Variants in CDKAL1 observed in about 807,000 individuals in gnomAD.
CDKAL1 encodes CDKAL1 threonylcarbamoyladenosine tRNA methylthiotransferase.
A neutral mutation model predicts 68.2 loss-of-function variants in CDKAL1; 32 were observed. That is an observed-to-expected ratio of 0.47 (90% CI 0.35 to 0.63). The LOEUF (loss-of-function observed/expected upper bound fraction) is 0.63, where lower values mean the gene tolerates loss of function less well. Ranked by LOEUF, CDKAL1 falls within the 30% of genes least tolerant of loss-of-function variation. The pLI is 0.00. For missense variants in CDKAL1, 606 were observed against 696.7 expected (o/e 0.87, Z 1.47); for synonymous variants, 234 against 244.3 (o/e 0.96, Z 0.39).
intron 10 of CDKAL1, among the ~76,000 whole-genome samples, chr6:20,987,262 CTTT>C (rs1392710913): frequency 1.5e-5 from 2 of 135,854 alleles, no homozygotes; most frequent in Non-Finnish European, 3.2e-5. Flanking sequence ...TGTCTGGAAA[CTTT>C]TTTTTTTTTT....
chr6:20,650,881 T>C (rs545805644), intron 5 of CDKAL1, among the ~76,000 whole-genome samples: 11 of 152,320 alleles, frequency 7.2e-5, no homozygotes, highest in African/African-American at 2.6e-4. Context: ...CGGTCTTATT[T>C]CTGAGTTCTC....
intron 5 of CDKAL1, among the ~76,000 whole-genome samples, chr6:20,651,744 A>G (rs999157546): frequency 6.6e-6 from 1 of 152,272 alleles, no homozygotes. Flanking sequence ...TACTTAGTTT[A>G]TTGAGAGTTT....
At chr6:21,186,275 G>A (rs931426554) in intron 13 of CDKAL1, among the ~76,000 whole-genome samples, 9 of 151,954 alleles carry the variant, frequency 5.9e-5, no homozygotes, top group African/African-American at 2.2e-4. Flanking sequence ...AAGATGGTGG[G>A]GTGTACTGCA....
chr6:20,700,269 C>A (rs1182705253), intron 5 of CDKAL1, among the ~76,000 whole-genome samples: 3 of 151,362 alleles, frequency 2.0e-5, no homozygotes, highest in African/African-American at 7.3e-5. Flanking sequence ...GCAGGAGAAT[C>A]ACTTGAACCT....
At chr6:20,753,834 T>C (rs1774041955) in intron 6 of CDKAL1, among the ~76,000 whole-genome samples, 1 of 152,176 alleles carries the variant, frequency 6.6e-6, no homozygotes, top group Admixed American at 6.5e-5. Flanking sequence ...AACTGTTTAT[T>C]TAATCATTTG....
intron 5 of CDKAL1, among the ~76,000 whole-genome samples, chr6:20,650,134 C>T (rs13209538): frequency 0.22 from 33,898 of 152,076 alleles, 4,081 homozygotes; most frequent in African/African-American, 0.27. Context: ...TTTGAGAAAT[C>T]GCCACACTGT....
intron 10 of CDKAL1, among the ~76,000 whole-genome samples, chr6:20,964,728 C>G (rs1347144853): frequency 4.6e-5 from 7 of 152,072 alleles, no homozygotes; most frequent in Non-Finnish European, 5.9e-5. Flanking sequence ...ATCTGTACAA[C>G]AAACCCCCAT....
intron 9 of CDKAL1, among the ~76,000 whole-genome samples, chr6:20,892,710 G>T (rs1761471871): frequency 6.6e-6 from 1 of 152,116 alleles, no homozygotes; most frequent in African/African-American, 2.4e-5. Flanking sequence ...TTGATTCTAA[G>T]GAGTTTTTAT....
At chr6:20,837,924 A>G (rs1778013858) in intron 8 of CDKAL1, among the ~76,000 whole-genome samples, 3 of 139,710 alleles carry the variant, frequency 2.1e-5, no homozygotes, top group Admixed American at 1.5e-4. Flanking sequence ...TTAGGGGTGG[A>G]GCTGGGAAGA....
chr6:20,953,824 T>C (rs993980171), intron 9 of CDKAL1, among the ~76,000 whole-genome samples: 1 of 152,208 alleles, frequency 6.6e-6, no homozygotes, highest in African/African-American at 2.4e-5. Flanking sequence ...GAAGTAGGTA[T>C]TTAATTTAAA....
At chr6:21,008,636 A>G (rs1428494648) in intron 11 of CDKAL1, among the ~76,000 whole-genome samples, 2 of 152,206 alleles carry the variant, frequency 1.3e-5, no homozygotes, top group East Asian at 3.8e-4. Flanking sequence ...ACTAACGTCT[A>G]AAGTTAGAAA....
rs753036085 is a variant in CDKAL1, at chr6:21,201,323, G to A, written c.1548+49G>A. On this transcript the variant is annotated intron_variant, in intron 15 of 15. Coordinates refer to ENST00000274695, the MANE Select transcript of CDKAL1 (RefSeq NM_017774.3). ...CTACCCTGCTAGTAAAACAGCAGCT[G>A]TGGAAGCACAGTGATTCCAGGCCAT... is the stretch of plus-strand genomic sequence containing the variant. 2.1e-5 allele frequency: 32 copies of A among 1,495,414 alleles called. 1 individual carries two copies. In the Middle Eastern group the frequency reaches 5.3e-4, roughly 25 times the overall value. The allele number at this position is 1,495,414 out of a possible 1,614,324, so 92.6% of individuals were successfully genotyped here.
intron 5 of CDKAL1, among the ~76,000 whole-genome samples, chr6:20,676,665 T>TTAAA (rs146546357): frequency 0.05 from 6,600 of 132,788 alleles, 238 homozygotes; most frequent in African/African-American, 0.12. Context: ...AGACTCTGTC[T>TTAAA]TAAATAAATA....
At chr6:21,222,840 C>T (rs1010712127) in intron 15 of CDKAL1, among the ~76,000 whole-genome samples, 4 of 152,130 alleles carry the variant, frequency 2.6e-5, no homozygotes, top group Non-Finnish European at 4.4e-5. Context: ...GGTGGCAACT[C>T]TCTTACAGGG....
chr6:20,671,173 A>G (rs889521785), intron 5 of CDKAL1, among the ~76,000 whole-genome samples: 5 of 152,176 alleles, frequency 3.3e-5, no homozygotes, highest in Admixed American at 1.3e-4. Flanking sequence ...CAACCCCTCA[A>G]ATGGAATTTT....
At chr6:21,179,174 T>C (rs920392294) in intron 13 of CDKAL1, among the ~76,000 whole-genome samples, 2 of 152,296 alleles carry the variant, frequency 1.3e-5, no homozygotes, top group East Asian at 1.9e-4. Flanking sequence ...ACAATAACTT[T>C]GCAAAGAAAG....
rs767170716 is a variant in CDKAL1 at position 21,193,719 on chromosome 6, T to TTC, written c.1300-4300_1300-4299dup. Reference sequence around the variant, plus strand: ...TTCTGCTAGAACTGTGTGCTTCTGCTTCTGACCTTTCATTGTCCATCCATC... The same window carrying TTC: ...TTCTGCTAGAACTGTGTGCTTCTGCTTCTCTGACCTTTCATTGTCCATCCATC... On this transcript the variant is annotated intron_variant, in intron 13 of 15. Transcript: ENST00000274695. Among the ~76,000 whole-genome samples, 7 of 152,246 alleles carry TTC rather than the reference T, an allele frequency of 4.6e-5. No homozygotes were observed. The South Asian group carries it at 1.2e-3, about 27-fold the overall frequency.
chr6:20,691,982 GTTTTTAA>G (rs1427847337), intron 5 of CDKAL1, among the ~76,000 whole-genome samples: 2 of 151,944 alleles, frequency 1.3e-5, no homozygotes, highest in Admixed American at 6.6e-5. Context: ...ATGCACAAAA[GTTTTTAA>G]TTTTTAAGTT....
chr6:20,750,179 T>C (rs1291709963), intron 6 of CDKAL1, among the ~76,000 whole-genome samples: 1 of 151,964 alleles, frequency 6.6e-6, no homozygotes, highest in African/African-American at 2.4e-5. Context: ...AATGATGTGA[T>C]CACGGCACAC....
Sources: allele counts gnomAD v4.1 joint callset (sites outside exome capture counted in the v4.1 genomes callset), GRCh38; gene constraint gnomAD v4.1.1; transcripts MANE v1.5; gene names NCBI Gene and HGNC (gene_info 2026-07-23, HGNC 2026-07-21).